Variants in CALD1 observed in about 807,000 individuals in gnomAD.
CALD1 encodes the protein caldesmon.
In CALD1, 33 loss-of-function variants were observed where a neutral mutation model predicts 99.9. The observed-to-expected ratio is 0.33, with a 90% CI of 0.25 to 0.44. The LOEUF (loss-of-function observed/expected upper bound fraction) is 0.44, where lower values mean the gene tolerates loss of function less well. Among genes scored for constraint, CALD1 ranks in the 20% least tolerant of loss-of-function variants. The pLI is 1.00. For missense variants in CALD1, 861 were observed against 962.1 expected, an observed-to-expected ratio of 0.89 and a Z score of 1.39; for synonymous variants, 310 against 325.0, an observed-to-expected ratio of 0.95 and a Z score of 0.50.
chr7:134,962,217 TGAAAA>T (rs1808321085), intron 13 of CALD1: 2 of 152,070 alleles, frequency 1.3e-5, no homozygotes, highest in Non-Finnish European at 2.9e-5. Flanking sequence ...ACTTGTAAAC[TGAAAA>T]GTTTACCATC....
At chr7:134,782,981 C>T (rs1442496323) in intron 1 of CALD1, among the ~76,000 whole-genome samples, 1 of 152,182 alleles carries the variant, frequency 6.6e-6, no homozygotes, top group Non-Finnish European at 1.5e-5. Context: ...GATGGGCCAT[C>T]AGTGGTACAA....
At chr7:134,892,353 T>C (rs1374252121) in intron 3 of CALD1, among the ~76,000 whole-genome samples, 4 of 152,200 alleles carry the variant, frequency 2.6e-5, no homozygotes. Flanking sequence ...AGCAAAGCCA[T>C]GTCTTTGTAC....
rs117536038 is a variant in CALD1 at position 134,952,093 on chromosome 7, G to A, written c.1935+1579G>A. ...AGGTGGATGGATCACCTGAGGTCAG[G>A]AGTTCTAGACCTTCCTGGCCAATCT... On this transcript the variant is annotated intron_variant, in intron 9 of 14. Transcript: ENST00000361675. Among the ~76,000 whole-genome samples the A allele has an allele frequency of 5.1e-3, 783 of 152,204 alleles. 4 individuals are homozygous for A. The highest frequency in any genetic ancestry group is 7.6e-3 in the Non-Finnish European group (519 of 68,008).
At chr7:134,726,094 A>C in the CALD1 span, among the ~76,000 whole-genome samples, 3 of 152,138 alleles carry the variant, frequency 2.0e-5, no homozygotes, top group African/African-American at 7.2e-5. Context: ...TCTTATAACA[A>C]AACCCAAGAA....
chr7:134,724,200 C>T, the CALD1 span, among the ~76,000 whole-genome samples: 280 of 152,244 alleles, frequency 1.8e-3, no homozygotes, highest in African/African-American at 6.4e-3. Flanking sequence ...CTCACCAAGG[C>T]GTGTTTATAT....
chr7:134,712,006 G>A, the CALD1 span, among the ~76,000 whole-genome samples: 780 of 129,354 alleles, frequency 6.0e-3, 6 homozygotes, highest in Non-Finnish European at 0.01. Flanking sequence ...AAGAAGGAAA[G>A]GAGGGAGGGA....
chr7:134,742,354 T>A (rs1006159633), upstream of CALD1, among the ~76,000 whole-genome samples: 1 of 152,204 alleles, frequency 6.6e-6, no homozygotes, highest in Non-Finnish European at 1.5e-5. Context: ...GAGATCACCC[T>A]TGGAGAATGC....
chr7:134,958,190 T>G lies in CALD1; in HGVS notation c.1980-19T>G. 6.2e-7 allele frequency: 1 copy of G among 1,612,458 alleles called. No individual in the cohort carries two copies. On this transcript the variant is annotated intron_variant, in intron 10 of 14. Transcript: ENST00000361675. ...AGATTCTCTCTCATATTTTTATATG[T>G]ATGTGTTTACTTTTTTAGCAGTGGT...
intron 1 of CALD1, among the ~76,000 whole-genome samples, chr7:134,843,139 G>A (rs916191577): frequency 5.9e-5 from 9 of 152,000 alleles, no homozygotes; most frequent in South Asian, 2.1e-4. Flanking sequence ...TACTACCTCC[G>A]GTCTAGACTC....
chr7:134,843,404 C>T (rs1021646913), intron 1 of CALD1, among the ~76,000 whole-genome samples: 8 of 152,186 alleles, frequency 5.3e-5, no homozygotes, highest in Non-Finnish European at 8.8e-5. Flanking sequence ...AAGACAAACT[C>T]CACTGTTAGT....
chr7:134,724,451 TC>T, the CALD1 span, among the ~76,000 whole-genome samples: 2 of 152,150 alleles, frequency 1.3e-5, no homozygotes, highest in Admixed American at 1.3e-4. Flanking sequence ...CCTCAGCTCC[TC>T]CAGCTGTGGA....
rs542942248 is a variant in CALD1 at position 134,920,700 on chromosome 7, C to T, written c.72-8054C>T. ...AAATTTTAGAGCTGATCTTGGGGAC[C>T]GGTCAACTGTCTACTGGCCAGTAAG... On this transcript the variant is annotated intron_variant, in intron 3 of 14. Coordinates refer to ENST00000361675, the MANE Select transcript of CALD1 (RefSeq NM_033138.4). The T allele has an allele frequency of 3.4e-4, 435 of 1,287,600 alleles. 5 individuals carry two copies. In the South Asian group the frequency reaches 3.7e-3, roughly 11 times the overall value. The allele number at this position is 1,287,600 out of a possible 1,614,324, so 79.8% of individuals were successfully genotyped here. A position where few individuals can be genotyped will look rare whatever the true frequency, so the allele number is the denominator to read the frequency against.
intron 2 of CALD1, chr7:134,867,144 C>T (rs1800837290): frequency 6.6e-6 from 1 of 152,340 alleles, no homozygotes; most frequent in South Asian, 2.1e-4. Flanking sequence ...AATGTTGCTT[C>T]ATGATGTTTA....
intron 2 of CALD1, among the ~76,000 whole-genome samples, chr7:134,855,355 T>C (rs741688): frequency 0.17 from 26,557 of 152,162 alleles, 3,367 homozygotes; most frequent in African/African-American, 0.36. Context: ...CATTTTTCTT[T>C]GGCTTCCTGT....
chr7:134,925,344 A>G (rs1300811475), intron 3 of CALD1, among the ~76,000 whole-genome samples: 1 of 152,212 alleles, frequency 6.6e-6, no homozygotes, highest in African/African-American at 2.4e-5. Flanking sequence ...GAAAAGAGAA[A>G]GATGGTAAGT....
At chr7:134,833,121 G>C (rs1313052147) in intron 1 of CALD1, among the ~76,000 whole-genome samples, 2 of 152,222 alleles carry the variant, frequency 1.3e-5, no homozygotes, top group African/African-American at 2.4e-5. Context: ...ACAGTTATTT[G>C]GTGGCAACTG....
chr7:134,949,073 C>T (rs1563125152), intron 8 of CALD1, among the ~76,000 whole-genome samples: 2 of 152,034 alleles, frequency 1.3e-5, no homozygotes, highest in Admixed American at 6.5e-5. Flanking sequence ...AGGATTCTTC[C>T]AATAATTTAA....
chr7:134,957,667 T>C (rs1807879963), intron 9 of CALD1, among the ~76,000 whole-genome samples: 1 of 152,174 alleles, frequency 6.6e-6, no homozygotes, highest in Admixed American at 6.5e-5. Context: ...GTGATTTGCC[T>C]GCCTCGGCCT....
At chr7:134,732,866 A>G in the CALD1 span, among the ~76,000 whole-genome samples, 3 of 152,266 alleles carry the variant, frequency 2.0e-5, no homozygotes, top group South Asian at 6.2e-4. Context: ...ATCGTCACAC[A>G]TAAGAAATTC....
Sources: allele counts gnomAD v4.1 joint callset (sites outside exome capture counted in the v4.1 genomes callset), GRCh38; gene constraint gnomAD v4.1.1; transcripts MANE v1.5; gene names NCBI Gene and HGNC (gene_info 2026-07-23, HGNC 2026-07-21).